PDE4DIP: variants seen among roughly 807,000 people sequenced by gnomAD.
PDE4DIP encodes myomegalin.
A neutral mutation model predicts 221.4 loss-of-function variants in PDE4DIP; 59 were observed. The observed-to-expected ratio is 0.27, with a 90% CI of 0.22 to 0.33. The LOEUF (loss-of-function observed/expected upper bound fraction) is 0.33. Among genes scored for constraint, PDE4DIP ranks in the 10% least tolerant of loss-of-function variants. The pLI is 1.00. For synonymous variants in PDE4DIP, 404 were observed against 815.9 expected, an observed-to-expected ratio of 0.50 and a Z score of 8.60; for missense variants, 1,036 against 2,154.2, an observed-to-expected ratio of 0.48 and a Z score of 10.28.
chr1:148,919,326 GC>G (rs1227512245), intron 1 of PDE4DIP, among the ~76,000 whole-genome samples: 27 of 151,614 alleles, frequency 1.8e-4, no homozygotes, highest in Non-Finnish European at 3.5e-4. Context: ...AAAGCATAAA[GC>G]TTTGGGGACG....
chr1:149,013,165 C>T (rs587655063), intron 32 of PDE4DIP, among the ~76,000 whole-genome samples: 1 of 152,150 alleles, frequency 6.6e-6, no homozygotes, highest in African/African-American at 2.4e-5. Context: ...TCAGTGGGCT[C>T]CTTTGTGTGG....
chr1:148,973,787 A>G (rs1392891440), intron 16 of PDE4DIP, among the ~76,000 whole-genome samples: 1 of 146,302 alleles, frequency 6.8e-6, no homozygotes, highest in Admixed American at 6.9e-5. Context: ...TTAGAGTAGT[A>G]GTGAGTTCAA....
intron 21 of PDE4DIP, chr1:148,984,629 T>A (rs2061609077): frequency 6.6e-6 from 1 of 152,146 alleles, no homozygotes; most frequent in Non-Finnish European, 1.5e-5. Flanking sequence ...AAGACTGATT[T>A]CAGTTCTCTC....
At chr1:148,999,822 C>T (rs1331198615) in intron 23 of PDE4DIP, among the ~76,000 whole-genome samples, 2 of 152,100 alleles carry the variant, frequency 1.3e-5, no homozygotes, top group Non-Finnish European at 2.9e-5. Context: ...CAACCCTCCA[C>T]CCAACCTACA....
At chr1:148,987,778 A>G (rs2062170977) in intron 21 of PDE4DIP, among the ~76,000 whole-genome samples, 1 of 152,122 alleles carries the variant, frequency 6.6e-6, no homozygotes, top group Non-Finnish European at 1.5e-5. Flanking sequence ...ACTAAAGAAC[A>G]TGTCATGAGC....
chr1:148,948,535 G>T (rs1437817976), intron 5 of PDE4DIP, among the ~76,000 whole-genome samples: 6 of 149,914 alleles, frequency 4.0e-5, no homozygotes, highest in African/African-American at 1.5e-4. Context: ...GTCTTTTACA[G>T]AATTTCTTCT....
In PDE4DIP at chr1:149,016,059, T is replaced by C. The variant is rs587744422; in HGVS notation, c.5267-240T>C. On this transcript the variant is annotated intron_variant, in intron 32 of 43. Transcript: ENST00000369354. ...CACTGGACTTTTCCATTGTATATAC[T>C]GATGACTTTAAGATACTTTATTCTC... 1.2e-4 allele frequency among the ~76,000 whole-genome samples: 18 copies of C among 144,374 alleles called. No homozygotes were observed. In the East Asian group the frequency reaches 3.8e-3, roughly 31 times the overall value. 94.7% of individuals were successfully genotyped at this position (144,374 alleles called of 152,430 possible).
At chr1:148,856,323 GGA>G (rs1681317906) in intron 1 of PDE4DIP, among the ~76,000 whole-genome samples, 1 of 31,518 alleles carries the variant, frequency 3.2e-5, no homozygotes, top group Non-Finnish European at 7.1e-5. Context: ...TGAGTTCCCT[GGA>G]GTCAAGGCAG....
At chr1:149,029,220 C>G (rs1553633598) in intron 41 of PDE4DIP, among the ~76,000 whole-genome samples, 2 of 152,180 alleles carry the variant, frequency 1.3e-5, no homozygotes, top group African/African-American at 4.8e-5. Flanking sequence ...CTGCTCAGAG[C>G]TCAGGCTAAC....
chr1:148,963,761 TTTTTTTTTTTG>T, intron 9 of PDE4DIP, among the ~76,000 whole-genome samples: 1 of 129,376 alleles, frequency 7.7e-6, no homozygotes, highest in African/African-American at 3.0e-5. Flanking sequence ...TTTTTTTTTT[TTTTTTTTTTTG>T]AGACAGAGTC....
At chr1:149,029,032 G>A (rs1471371164) in intron 41 of PDE4DIP, among the ~76,000 whole-genome samples, 1 of 152,198 alleles carries the variant, frequency 6.6e-6, no homozygotes, top group Admixed American at 6.5e-5. Flanking sequence ...AAGTTTGACT[G>A]AGCTGAAATT....
At chr1:148,994,269 A>G (rs1426589819) in intron 22 of PDE4DIP, among the ~76,000 whole-genome samples, 3 of 152,036 alleles carry the variant, frequency 2.0e-5, no homozygotes, top group African/African-American at 7.2e-5. Flanking sequence ...GTAATCAACC[A>G]TTGCATTTTT....
intron 23 of PDE4DIP, among the ~76,000 whole-genome samples, chr1:149,000,087 A>G (rs1434331535): frequency 1.3e-5 from 2 of 152,060 alleles, no homozygotes; most frequent in East Asian, 1.9e-4. Flanking sequence ...TCTGTATCCT[A>G]TGTCCTATTT....
Position 149,021,218 on chromosome 1 carries a change from T to C in PDE4DIP, c.6085+65T>C, listed in dbSNP as rs587643478. 118 of 684,044 alleles carry C rather than the reference T, an allele frequency of 1.7e-4. 1 individual carries two copies. The highest frequency in any genetic ancestry group is 2.8e-4 in the Non-Finnish European group (109 of 391,092). 42.4% of individuals were successfully genotyped at this position (684,044 alleles called of 1,614,324 possible). On this transcript the variant is annotated intron_variant, in intron 37 of 43. Coordinates refer to ENST00000369354, the Ensembl canonical transcript of PDE4DIP. ...CTTGCATAGGATGCTAGTGAGGTCT[T>C]TCCTTTGGGAGTTGTGGAGATCATG...
At chr1:148,978,740 G>A (rs1176750286) in intron 19 of PDE4DIP, among the ~76,000 whole-genome samples, 1 of 151,938 alleles carries the variant, frequency 6.6e-6, no homozygotes, top group Non-Finnish European at 1.5e-5. Flanking sequence ...ACACCACCAC[G>A]CCCGGCTCAA....
Position 149,009,801 on chromosome 1 carries a change from A to C in PDE4DIP, c.4927+10A>C, listed in dbSNP as rs587762734. 1.3e-5 allele frequency: 20 copies of C among 1,532,292 alleles called. No homozygotes were observed. In the Admixed American group the frequency reaches 1.7e-4, roughly 13 times the overall value. The allele number at this position is 1,532,292 out of a possible 1,614,324, so 94.9% of individuals were successfully genotyped here. ...TCTCCCAGTCACTCAGGTAGCCTCC[A>C]CTTTCTGGGTGGTACCATCTTTGTC... is the stretch of plus-strand genomic sequence containing the variant. On this transcript the variant is annotated intron_variant, in intron 30 of 43. Coordinates refer to ENST00000369354, the Ensembl canonical transcript of PDE4DIP.
intron 9 of PDE4DIP, among the ~76,000 whole-genome samples, chr1:148,963,734 C>G (rs1275655237): frequency 6.8e-6 from 1 of 147,188 alleles, no homozygotes; most frequent in African/African-American, 2.5e-5. Context: ...TCTTTCCTCT[C>G]TCTTTCTTTC....
chr1:148,886,580 ATTAG>A (rs1696069044), upstream of PDE4DIP, among the ~76,000 whole-genome samples: 1 of 4,578 alleles, frequency 2.2e-4, no homozygotes, highest in East Asian at 1.9e-3. Flanking sequence ...ATGAAGATGT[ATTAG>A]TTAGTCATTG....
intron 21 of PDE4DIP, chr1:148,986,463 A>G (rs1417259542): frequency 6.6e-6 from 1 of 152,226 alleles, no homozygotes; most frequent in East Asian, 1.9e-4. Flanking sequence ...TAAAATTATC[A>G]AAGGCCAACA....
Sources: allele counts gnomAD v4.1 joint callset (sites outside exome capture counted in the v4.1 genomes callset), GRCh38; gene constraint gnomAD v4.1.1; transcripts MANE v1.5; gene names NCBI Gene and HGNC (gene_info 2026-07-23, HGNC 2026-07-21).